Variants in GNAI2 observed in about 807,000 individuals in gnomAD.
GNAI2 encodes the protein guanine nucleotide-binding protein G(i) subunit alpha-2.
A neutral mutation model predicts 36.8 loss-of-function variants in GNAI2; 4 were observed. That is an observed-to-expected ratio of 0.11 (90% CI 0.05 to 0.25). GNAI2 has a LOEUF of 0.25. Among genes scored for constraint, GNAI2 ranks in the 10% least tolerant of loss-of-function variants. The probability of loss-of-function intolerance (pLI) is 1.00; values close to 1 mark genes in which losing one functional copy is unlikely to be tolerated. For missense variants in GNAI2, 230 were observed against 481.3 expected, an observed-to-expected ratio of 0.48 and a Z score of 4.89; for synonymous variants, 194 against 194.1, an observed-to-expected ratio of 1.00 and a Z score of 0.01.
At chr3:50,250,410 A>G (rs908905190) in intron 1 of GNAI2, among the ~76,000 whole-genome samples, 3 of 152,196 alleles carry the variant, frequency 2.0e-5, no homozygotes, top group Admixed American at 6.5e-5. Context: ...TAAGCTGCAC[A>G]GAGGAACAAA....
In GNAI2 at chr3:50,257,709, G is replaced by T. The variant is rs782536669; in HGVS notation, c.*19G>T. 1 of 1,520,438 alleles carries T rather than the reference G, an allele frequency of 6.6e-7. No individual in the cohort carries two copies. 94.2% of individuals were successfully genotyped at this position (1,520,438 alleles called of 1,614,324 possible). On this transcript the variant is annotated 3_prime_UTR_variant, in exon 8 of 9. Coordinates refer to ENST00000313601, the MANE Select transcript of GNAI2 (RefSeq NM_002070.4). Reference sequence around the variant, plus strand: ...CTTCTGAGGGGCAGCGGGGCCTGGCGGGATGGTGAGCCAGAGGGGCTGTGG... The same window carrying T: ...CTTCTGAGGGGCAGCGGGGCCTGGCTGGATGGTGAGCCAGAGGGGCTGTGG...
chr3:50,237,977 G>C (rs1234030235), intron 1 of GNAI2: 4 of 152,286 alleles, frequency 2.6e-5, no homozygotes, highest in African/African-American at 9.6e-5. Flanking sequence ...CCGGCCTCCG[G>C]GGCACAGCCT....
chr3:50,256,574 C>A, intron 5 of GNAI2, 149 bp from the exon 6 acceptor site: 1 of 875,908 alleles, frequency 1.1e-6, no homozygotes. Context: ...GGCCCAGAAC[C>A]AGGGGTGAAG....
rs1700656496 is a variant in GNAI2 at position 50,255,051 on chromosome 3, T to C, written c.465-1141T>C. ...TGGCAGTAGGGGGCGGGGCATGGTA[T>C]GCGGGTCACAGCACATGCGTCATCC... On this transcript the variant is annotated intron_variant, in intron 4 of 8. Transcript: ENST00000313601. The surrounding 1 kb of genome is among the most constrained non-coding windows in gnomAD (Gnocchi z 4.0). Among the ~76,000 whole-genome samples the C allele has an allele frequency of 6.6e-6, 1 of 152,196 alleles. No individual in the cohort carries two copies. The highest frequency in any genetic ancestry group is 1.5e-5 in the Non-Finnish European group (1 of 68,016).
chr3:50,257,725 G>A lies in GNAI2; in HGVS notation c.*24+11G>A. ...GGGCCTGGCGGGATGGTGAGCCAGA[G>A]GGGCTGTGGCAGGGTGCTGGGGAAG... On this transcript the variant is annotated intron_variant, in intron 8 of 8. Transcript: ENST00000313601. 6.8e-7 allele frequency: 1 copy of A among 1,474,170 alleles called. No homozygotes were observed. Among genetic ancestry groups the A allele is most frequent in the Non-Finnish European group, 9.2e-7 (1 of 1,089,088 alleles). 91.3% of individuals were successfully genotyped at this position (1,474,170 alleles called of 1,614,324 possible).
intron 1 of GNAI2, among the ~76,000 whole-genome samples, chr3:50,249,266 C>T (rs1553702123): frequency 2.6e-5 from 4 of 152,212 alleles, no homozygotes; most frequent in Non-Finnish European, 5.9e-5. Context: ...CTGGTTCTTC[C>T]TCCTGCTCTG....
rs587614148 is a variant in GNAI2, at chr3:50,241,473, C to T, written c.118+5020C>T. On this transcript the variant is annotated intron_variant, in intron 1 of 8. Transcript: ENST00000313601. The surrounding 1 kb of genome is among the most constrained non-coding windows in gnomAD (Gnocchi z 5.0). ...TGCTAGGCTCAGCCCCTGCCTCTCA[C>T]GCCAGTGTCAGTGCAGCCAACATGA... Among the ~76,000 whole-genome samples, 1 of 152,192 alleles carries T rather than the reference C, an allele frequency of 6.6e-6. No homozygotes were observed. The highest frequency in any genetic ancestry group is 2.1e-4 in the South Asian group (1 of 4,834).
intron 1 of GNAI2, among the ~76,000 whole-genome samples, chr3:50,246,437 A>C (rs931005773): frequency 6.6e-6 from 1 of 152,210 alleles, no homozygotes; most frequent in Non-Finnish European, 1.5e-5. Context: ...TGAGAACCAC[A>C]GGCTGAGCTG....
intron 8 of GNAI2, 71 bp downstream of exon 8, chr3:50,257,785 T>TGGG: frequency 1.1e-5 from 1 of 92,806 alleles, no homozygotes; most frequent in East Asian, 1.7e-4. Context: ...CAGGGGGTTC[T>TGGG]GGGGGTGGGT....
At chr3:50,256,400 C>A in intron 5 of GNAI2, 80 bp downstream of exon 5, 1 of 1,326,176 alleles carries the variant, frequency 7.5e-7, no homozygotes, top group Non-Finnish European at 1.1e-6. Context: ...GGTCCAGGAT[C>A]CCCCAGCCCC....
chr3:50,258,823 G>A lies in GNAI2; in HGVS notation c.*480G>A, dbSNP rs192924654. On this transcript the variant is annotated 3_prime_UTR_variant, in exon 9 of 9. Coordinates refer to ENST00000313601, the MANE Select transcript of GNAI2 (RefSeq NM_002070.4). ...CCCCAAAGGAAAAAGCACAAGAAGC[G>A]TGAGACGCCACCATTCCTGGAAACC... 265 of 421,538 alleles carry A rather than the reference G, an allele frequency of 6.3e-4. 1 individual carries two copies. The highest frequency in any genetic ancestry group is 4.8e-3 in the African/African-American group (228 of 47,496). The allele number at this position is 421,538 out of a possible 1,614,324, so 26.1% of individuals were successfully genotyped here.
chr3:50,250,222 C>T (rs1335622719), intron 1 of GNAI2, among the ~76,000 whole-genome samples: 7 of 152,072 alleles, frequency 4.6e-5, no homozygotes, highest in African/African-American at 9.7e-5. Context: ...ACATGGTGGG[C>T]GCTGTTTTCA....
Position 50,256,978 on chromosome 3 carries a change from C to T in GNAI2, c.765C>T (p.Cys255=). 6.2e-7 allele frequency: 1 copy of T among 1,614,104 alleles called. No individual in the cohort carries two copies. Among genetic ancestry groups the T allele is most frequent in the South Asian group, 1.1e-5 (1 of 91,088 alleles). The stretch of plus-strand genomic sequence containing the variant: ...GCATGAAGCTATTCGATAGCATCTG[C>T]AACAACAAGTGGTTCACAGACACGT... ...HESMKLFDSI[C]NNKWFTDTSI... is the part of the protein sequence containing the mutation. The change falls in exon 7 of 9, where the codon TGC becomes TGT. Residue 255 remains cysteine, a synonymous_variant. Coordinates refer to ENST00000313601, the MANE Select transcript of GNAI2 (RefSeq NM_002070.4).
In GNAI2 at chr3:50,258,604, T is replaced by C; in HGVS notation, c.*261T>C. ...ACCCCCTTCTGGGCATCTGTTCTGG[T>C]TTTTAACCATTGTCTTGTTCTGTGA... On this transcript the variant is annotated 3_prime_UTR_variant, in exon 9 of 9. Transcript: ENST00000313601. The C allele has an allele frequency of 8.5e-6, 2 of 236,466 alleles. No individual in the cohort carries two copies. The highest frequency in any genetic ancestry group is 1.7e-5 in the Non-Finnish European group (2 of 116,816). 14.6% of individuals were successfully genotyped at this position (236,466 alleles called of 1,614,324 possible).
upstream of GNAI2, among the ~76,000 whole-genome samples, chr3:50,232,175 C>A (rs1457100324): frequency 6.6e-6 from 1 of 152,160 alleles, no homozygotes; most frequent in Non-Finnish European, 1.5e-5. Context: ...ACTAAAAATA[C>A]AAAAATTAGC....
upstream of GNAI2, among the ~76,000 whole-genome samples, chr3:50,233,842 G>A (rs587601829): frequency 6.7e-4 from 102 of 151,464 alleles, no homozygotes; most frequent in African/African-American, 2.4e-3. Context: ...ACTCCAGGGA[G>A]AACAGCCAGC....
rs188296155 is a variant in GNAI2 at position 50,251,996 on chromosome 3, G to C, written c.119-104G>C. On this transcript the variant is annotated intron_variant, in intron 1 of 8. Transcript: ENST00000313601. ...CTCCATCTCACGGTGCAGCTGGTGG[G>C]AAGGTTAGTTCTGCCTCCTGGGCTA... The C allele has an allele frequency of 1.3e-3, 1,460 of 1,149,410 alleles. 13 individuals carry two copies. The African/African-American group carries it at 0.02, about 16-fold the overall frequency. The allele number at this position is 1,149,410 out of a possible 1,614,324, so 71.2% of individuals were successfully genotyped here. A position where few individuals can be genotyped will look rare whatever the true frequency, so the allele number is the denominator to read the frequency against.
chr3:50,235,386 C>G (rs1700141291), upstream of GNAI2: 1 of 151,380 alleles, frequency 6.6e-6, no homozygotes, highest in African/African-American at 2.4e-5. Flanking sequence ...ATGGCGCGAT[C>G]TCGGCTCACT....
At chr3:50,250,247 C>T (rs969507475) in intron 1 of GNAI2, among the ~76,000 whole-genome samples, 8 of 152,120 alleles carry the variant, frequency 5.3e-5, no homozygotes, top group Non-Finnish European at 8.8e-5. Flanking sequence ...GCTTTGCTGT[C>T]GATATTGCCG....
Sources: allele counts gnomAD v4.1 joint callset (sites outside exome capture counted in the v4.1 genomes callset), GRCh38; gene constraint gnomAD v4.1.1; non-coding constraint Gnocchi (gnomAD v3.1); transcripts MANE v1.5; gene names NCBI Gene and HGNC (gene_info 2026-07-23, HGNC 2026-07-21).